Variants in MAPK10 observed in about 807,000 individuals in gnomAD.
The protein encoded by MAPK10 is JNK3 alpha protein kinase.
A neutral mutation model predicts 59.3 loss-of-function variants in MAPK10; 25 were observed. The ratio of observed to expected loss-of-function variants is 0.42; its 90% confidence interval spans 0.31 to 0.59. MAPK10 has a LOEUF of 0.59. Among genes scored for constraint, MAPK10 ranks in the 20% least tolerant of loss-of-function variants. The probability of loss-of-function intolerance (pLI) is 0.15; values close to 1 mark genes in which losing one functional copy is unlikely to be tolerated. For synonymous variants in MAPK10, 190 were observed against 200.5 expected, an observed-to-expected ratio of 0.95 and a Z score of 0.44; for missense variants, 351 against 568.9, an observed-to-expected ratio of 0.62 and a Z score of 3.90.
chr4:86,591,450 T>G (rs1763042386), intron 1 of MAPK10, among the ~76,000 whole-genome samples: 1 of 152,120 alleles, frequency 6.6e-6, no homozygotes, highest in Non-Finnish European at 1.5e-5. Flanking sequence ...CATGGCTCAC[T>G]TCAGCCTCGA....
At chr4:86,455,048 G>T (rs1000219447), upstream of MAPK10, among the ~76,000 whole-genome samples, 8 of 152,092 alleles carry the variant, frequency 5.3e-5, no homozygotes, top group Admixed American at 5.2e-4. Flanking sequence ...CATAAGTGAA[G>T]GAAAAATACA....
At chr4:86,203,533 T>C (rs1249938484) in intron 2 of MAPK10, among the ~76,000 whole-genome samples, 1 of 151,244 alleles carries the variant, frequency 6.6e-6, no homozygotes, top group East Asian at 2.0e-4. Flanking sequence ...AACTACTAAT[T>C]ATTTAAAAAA....
chr4:86,058,229 T>C lies in MAPK10; in HGVS notation c.1110+6037A>G, dbSNP rs1388127998. ...TAAAGTCTTCTCCTCTCCAGAGGAA[T>C]TGTGCTCCGTTCCCTGGTTACTTCT... On this transcript the variant is annotated intron_variant, in intron 11 of 13. Coordinates refer to ENST00000641462, the MANE Select transcript of MAPK10 (RefSeq NM_138982.4). 1.3e-5 allele frequency among the ~76,000 whole-genome samples: 2 copies of C among 149,686 alleles called. 1 individual carries two copies. The highest frequency in any genetic ancestry group is 3.0e-5 in the Non-Finnish European group (2 of 67,534).
At chr4:86,333,873 C>T (rs867884310) in intron 2 of MAPK10, among the ~76,000 whole-genome samples, 1 of 152,126 alleles carries the variant, frequency 6.6e-6, no homozygotes, top group South Asian at 2.1e-4. Context: ...TAGTAAGTGT[C>T]ATATATGTTT....
At chr4:86,468,056 T>G (rs1002873101) in intron 1 of MAPK10, among the ~76,000 whole-genome samples, 1 of 152,226 alleles carries the variant, frequency 6.6e-6, no homozygotes, top group Non-Finnish European at 1.5e-5. Flanking sequence ...CCAGAAACTT[T>G]GCTTTAGCTT....
intron 9 of MAPK10, among the ~76,000 whole-genome samples, chr4:86,083,545 C>G (rs777826413): frequency 6.6e-6 from 1 of 152,096 alleles, no homozygotes; most frequent in African/African-American, 2.4e-5. Context: ...ACTTGAGATC[C>G]CACAAGCCTT....
intron 1 of MAPK10, among the ~76,000 whole-genome samples, chr4:86,487,698 T>A (rs888736071): frequency 3.5e-4 from 50 of 143,164 alleles, no homozygotes; most frequent in African/African-American, 1.3e-3. Flanking sequence ...GCCACTGCAC[T>A]CCAGCCTGGG....
chr4:86,489,761 A>G (rs562736767), intron 1 of MAPK10, among the ~76,000 whole-genome samples: 2 of 152,150 alleles, frequency 1.3e-5, no homozygotes, highest in Non-Finnish European at 2.9e-5. Flanking sequence ...ACTCCGTCTC[A>G]TCTCCTCTCC....
At chr4:86,260,669 T>A (rs965035105) in intron 2 of MAPK10, among the ~76,000 whole-genome samples, 2 of 152,148 alleles carry the variant, frequency 1.3e-5, no homozygotes, top group African/African-American at 4.8e-5. Context: ...TCTTCATATA[T>A]CTTTCTTAAA....
chr4:86,263,455 C>T (rs1040567149), intron 2 of MAPK10, among the ~76,000 whole-genome samples: 14 of 152,170 alleles, frequency 9.2e-5, no homozygotes, highest in African/African-American at 3.4e-4. Context: ...TCTAATCTAG[C>T]TGGAATCGCC....
chr4:86,309,392 C>A lies in MAPK10; in HGVS notation c.-7+45138G>T, dbSNP rs2095628038. 2.0e-5 allele frequency among the ~76,000 whole-genome samples: 3 copies of A among 152,256 alleles called. No individual in the cohort carries two copies. The South Asian group carries it at 6.2e-4, about 32-fold the overall frequency. The stretch of plus-strand genomic sequence containing the variant: ...TTGACCTCTCTGTGCACAAGCATTG[C>A]ATCAATATAATAGGTGAAGGAGGCA... On this transcript the variant is annotated intron_variant, in intron 2 of 13. Transcript: ENST00000641462.
intron 1 of MAPK10, among the ~76,000 whole-genome samples, chr4:86,494,402 G>A (rs1483889555): frequency 6.6e-6 from 1 of 152,182 alleles, no homozygotes; most frequent in Non-Finnish European, 1.5e-5. Context: ...GTTCCACATG[G>A]GCTGAGATAA....
At chr4:86,206,517 T>C (rs1427945959) in intron 2 of MAPK10, among the ~76,000 whole-genome samples, 6 of 152,130 alleles carry the variant, frequency 3.9e-5, no homozygotes, top group Admixed American at 2.6e-4. Context: ...CGTGTGCATG[T>C]GTCTTTATAG....
intron 1 of MAPK10, among the ~76,000 whole-genome samples, chr4:86,549,443 T>C (rs1759579379): frequency 6.6e-6 from 1 of 152,178 alleles, no homozygotes; most frequent in Non-Finnish European, 1.5e-5. Context: ...ATGGTATTTG[T>C]GTATCTAAAC....
chr4:86,535,034 A>T (rs1758126597), intron 1 of MAPK10, among the ~76,000 whole-genome samples: 1 of 152,240 alleles, frequency 6.6e-6, no homozygotes, highest in African/African-American at 2.4e-5. Flanking sequence ...CTGATGGAAG[A>T]GGTCACTTTT....
At chr4:86,190,379 CT>C (rs2079393977) in intron 3 of MAPK10, among the ~76,000 whole-genome samples, 1 of 151,962 alleles carries the variant, frequency 6.6e-6, no homozygotes. Flanking sequence ...TGGTCCTGGG[CT>C]TTTTTTGGTT....
At chr4:86,206,230 G>A (rs994306859) in intron 2 of MAPK10, among the ~76,000 whole-genome samples, 3 of 151,296 alleles carry the variant, frequency 2.0e-5, no homozygotes, top group African/African-American at 2.4e-5. Flanking sequence ...AGAGTGTGAT[G>A]TTCCCCTTCC....
intron 3 of MAPK10, among the ~76,000 whole-genome samples, chr4:86,186,952 T>C (rs906949593): frequency 1.3e-5 from 2 of 152,172 alleles, no homozygotes; most frequent in African/African-American, 4.8e-5. Flanking sequence ...AGGTTAAGTA[T>C]ACCATTGTTT....
chr4:86,325,467 A>G (rs535650975), intron 2 of MAPK10, among the ~76,000 whole-genome samples: 2 of 152,338 alleles, frequency 1.3e-5, no homozygotes, highest in Non-Finnish European at 2.9e-5. Context: ...CTTAACCACC[A>G]TACTACACTG....
Sources: gnomAD v4.1 joint callset for allele counts (sites outside exome capture counted in the v4.1 genomes callset) on GRCh38, gnomAD v4.1.1 for gene constraint, MANE v1.5 for transcripts, NCBI Gene and HGNC (gene_info 2026-07-23, HGNC 2026-07-21) for gene names.